Variants in TNS3 observed in about 807,000 individuals in gnomAD.
TNS3 encodes tensin 3.
TNS3 carries 45 observed loss-of-function variants against 140.9 expected under a neutral mutation model. That is an observed-to-expected ratio of 0.32 (90% CI 0.25 to 0.41). The LOEUF (loss-of-function observed/expected upper bound fraction) is 0.41, where lower values mean the gene tolerates loss of function less well. TNS3 is among the 10% of genes least tolerant of loss of function. The pLI, the probability that TNS3 is intolerant of heterozygous loss-of-function variation, is 1.00. For missense variants in TNS3, 1,716 were observed against 1,906.7 expected, an observed-to-expected ratio of 0.90 and a Z score of 1.86; for synonymous variants, 815 against 788.4, an observed-to-expected ratio of 1.03 and a Z score of -0.56.
chr7:47,431,523 T>G (rs895222436), intron 8 of TNS3, among the ~76,000 whole-genome samples: 4 of 151,726 alleles, frequency 2.6e-5, no homozygotes, highest in Admixed American at 1.3e-4. Flanking sequence ...AACCTGGGAG[T>G]TGGAGGTTGC....
rs557627823 is a variant in TNS3, at chr7:47,565,587, G to A, written c.-265+16464C>T. Among the ~76,000 whole-genome samples, 35 of 151,950 alleles carry A rather than the reference G, an allele frequency of 2.3e-4. No individual in the cohort carries two copies. In the South Asian group the frequency reaches 7.1e-3, roughly 31 times the overall value. On this transcript the variant is annotated intron_variant, in intron 1 of 30. Transcript: ENST00000311160. ...TCACCATGCTGGCCAGGCTTGTCTCGAACTCCTGACCTCGGGTGATCAGCC... is the reference window on the plus strand; with the variant it reads ...TCACCATGCTGGCCAGGCTTGTCTCAAACTCCTGACCTCGGGTGATCAGCC...
intron 1 of TNS3, among the ~76,000 whole-genome samples, chr7:47,578,754 C>T (rs1216022146): frequency 1.3e-5 from 2 of 152,152 alleles, no homozygotes; most frequent in East Asian, 1.9e-4. Flanking sequence ...AGAAAGCTCA[C>T]GAAACTTGGA....
chr7:47,406,800 C>T (rs1022443314), intron 13 of TNS3, among the ~76,000 whole-genome samples: 1 of 152,192 alleles, frequency 6.6e-6, no homozygotes, highest in East Asian at 1.9e-4. Context: ...AACTTCTTCC[C>T]CCACTACAGC....
At chr7:47,413,723 G>A (rs1158438220) in intron 12 of TNS3, among the ~76,000 whole-genome samples, 2 of 152,050 alleles carry the variant, frequency 1.3e-5, no homozygotes, top group African/African-American at 2.4e-5. Flanking sequence ...ACAGCCCAAA[G>A]ACACTTGTGC....
intron 2 of TNS3, among the ~76,000 whole-genome samples, chr7:47,509,167 G>A (rs1345166267): frequency 1.3e-5 from 2 of 152,226 alleles, no homozygotes; most frequent in South Asian, 4.1e-4. Context: ...TACATTCATG[G>A]TGGGTGGCCT....
chr7:47,278,224 C>T lies in TNS3; in HGVS notation c.4194-4G>A. The stretch of plus-strand genomic sequence containing the variant: ...CCGGGCCACAAATCCAAAGACTCTG[C>T]CAAAGGAAAGTCCAGTCAGAGTGGT... On this transcript the variant is annotated splice_region_variant and splice_polypyrimidine_tract_variant and intron_variant, in intron 30 of 30. Coordinates refer to ENST00000311160, the MANE Select transcript of TNS3 (RefSeq NM_022748.12). The T allele has an allele frequency of 6.2e-7, 1 of 1,613,060 alleles. No individual in the cohort carries two copies. Among genetic ancestry groups the T allele is most frequent in the Non-Finnish European group, 8.5e-7 (1 of 1,179,556 alleles).
rs1441411719 is a variant in TNS3 at position 47,505,067 on chromosome 7, G to A, written c.-115+1840C>T. 7.2e-5 allele frequency among the ~76,000 whole-genome samples: 11 copies of A among 152,246 alleles called. No individual in the cohort carries two copies. In the East Asian group the frequency reaches 1.7e-3, roughly 24 times the overall value. On this transcript the variant is annotated intron_variant, in intron 3 of 30. Transcript: ENST00000311160. ...GGAACAACAGCAGGCTCATCTCTGC[G>A]GCTGTGGCTCAGAGGTGGCTGGGCC...
intron 2 of TNS3, among the ~76,000 whole-genome samples, chr7:47,515,833 C>G (rs993055692): frequency 6.6e-6 from 1 of 152,218 alleles, no homozygotes; most frequent in African/African-American, 2.4e-5. Flanking sequence ...TTACTGACAC[C>G]ATTGAACACT....
intron 17 of TNS3, among the ~76,000 whole-genome samples, chr7:47,353,149 G>T (rs776979684): frequency 3.9e-5 from 6 of 152,218 alleles, no homozygotes; most frequent in Non-Finnish European, 7.3e-5. Flanking sequence ...AGAGCTCTTG[G>T]ATTGCTTTCT....
intron 17 of TNS3, among the ~76,000 whole-genome samples, chr7:47,360,727 G>A (rs1478576748): frequency 6.6e-6 from 1 of 152,202 alleles, no homozygotes; most frequent in Non-Finnish European, 1.5e-5. Flanking sequence ...GGCTCCAGGA[G>A]TGTCTATGCC....
chr7:47,280,252 C>A (rs753402541), intron 29 of TNS3, 34 bp downstream of exon 29: 1 of 1,613,858 alleles, frequency 6.2e-7, no homozygotes, highest in Non-Finnish European at 8.5e-7. Flanking sequence ...GAATTAAGTA[C>A]ACTCCTTGCT....
At chr7:47,391,267 C>A (rs1362649011) in intron 16 of TNS3, among the ~76,000 whole-genome samples, 1 of 152,170 alleles carries the variant, frequency 6.6e-6, no homozygotes, top group African/African-American at 2.4e-5. Context: ...TCCTGGTACC[C>A]AATTATGGTA....
chr7:47,329,809 C>T (rs1055345319), intron 20 of TNS3, among the ~76,000 whole-genome samples: 7 of 152,036 alleles, frequency 4.6e-5, no homozygotes, highest in Admixed American at 3.9e-4. Context: ...GATGGCACTC[C>T]CAAGGGTGGG....
intron 12 of TNS3, among the ~76,000 whole-genome samples, 167 bp from the exon 13 acceptor site, chr7:47,411,969 G>C (rs940739821): frequency 3.3e-5 from 5 of 152,146 alleles, no homozygotes; most frequent in Non-Finnish European, 5.9e-5. Flanking sequence ...AAAAGGTAAA[G>C]AAAGCTCCCA....
At chr7:47,325,501 T>C (rs1473446773) in intron 20 of TNS3, among the ~76,000 whole-genome samples, 2 of 152,146 alleles carry the variant, frequency 1.3e-5, no homozygotes, top group Non-Finnish European at 2.9e-5. Flanking sequence ...GAAGTTGACA[T>C]TCCAGTGATT....
chr7:47,385,611 C>G (rs1039167571), intron 16 of TNS3, among the ~76,000 whole-genome samples: 5 of 152,194 alleles, frequency 3.3e-5, no homozygotes, highest in African/African-American at 1.2e-4. Context: ...GCCTTCACTC[C>G]CCAGGTGACC....
chr7:47,398,313 T>G (rs1020166363), intron 15 of TNS3, among the ~76,000 whole-genome samples: 7 of 151,714 alleles, frequency 4.6e-5, no homozygotes, highest in Non-Finnish European at 8.8e-5. Context: ...ACTCATTCTA[T>G]GAAGCCAGTA....
At chr7:47,468,687 C>T (rs1354381569) in intron 4 of TNS3, among the ~76,000 whole-genome samples, 2 of 152,268 alleles carry the variant, frequency 1.3e-5, no homozygotes, top group African/African-American at 4.8e-5. Flanking sequence ...AGATTCAATG[C>T]TATTCCTATC....
At chr7:47,368,283 C>A in intron 17 of TNS3, 82 bp downstream of exon 17, 1 of 1,305,460 alleles carries the variant, frequency 7.7e-7, no homozygotes, top group Non-Finnish European at 9.9e-7. Context: ...CAAAAGCTAA[C>A]CTACTAGGCT....
Sources: gnomAD v4.1 joint callset for allele counts (sites outside exome capture counted in the v4.1 genomes callset) on GRCh38, gnomAD v4.1.1 for gene constraint, MANE v1.5 for transcripts, NCBI Gene and HGNC (gene_info 2026-07-23, HGNC 2026-07-21) for gene names.